The following TRPM3 variants were observed in gnomAD, a reference collection of about 807,000 sequenced individuals.
TRPM3 encodes transient receptor potential cation channel subfamily M member 3, also known as long transient receptor potential channel 3.
A neutral mutation model predicts 181.2 loss-of-function variants in TRPM3; 77 were observed. That is an observed-to-expected ratio of 0.42 (90% confidence interval 0.35 to 0.51). The LOEUF (loss-of-function observed/expected upper bound fraction) is 0.51, where lower values mean the gene tolerates loss of function less well. Ranked by LOEUF, TRPM3 falls within the 20% of genes least tolerant of loss-of-function variation. The pLI, the probability that TRPM3 is intolerant of heterozygous loss-of-function variation, is 0.01. For missense variants in TRPM3, 1,759 were observed against 2,196.7 expected, an observed-to-expected ratio of 0.80 and a Z score of 3.98; for synonymous variants, 745 against 796.4, an observed-to-expected ratio of 0.94 and a Z score of 1.09.
intron 3 of TRPM3, among the ~76,000 whole-genome samples, chr9:70,855,517 A>G (rs1242174247): frequency 6.6e-6 from 1 of 152,186 alleles, no homozygotes; most frequent in Non-Finnish European, 1.5e-5. Context: ...ACCTCCTTCT[A>G]CTGTAAGGCC....
At chr9:71,136,777 G>C (rs1490964245) in intron 1 of TRPM3, among the ~76,000 whole-genome samples, 2 of 152,172 alleles carry the variant, frequency 1.3e-5, no homozygotes, top group Admixed American at 1.3e-4. Flanking sequence ...AGAAGTAAGA[G>C]AAAGTCACTT....
intron 5 of TRPM3, among the ~76,000 whole-genome samples, chr9:70,833,720 G>A (rs549520291): frequency 3.3e-5 from 5 of 152,322 alleles, no homozygotes; most frequent in Admixed American, 3.3e-4. Context: ...ATTTTTATCA[G>A]TGGCTCAGCT....
chr9:70,601,107 T>C (rs17055371), intron 20 of TRPM3, among the ~76,000 whole-genome samples: 6,930 of 152,230 alleles, frequency 0.046, 308 homozygotes, highest in East Asian at 0.25. Flanking sequence ...TACTCAGTTG[T>C]CCTTTCTAGC....
chr9:71,113,475 G>A (rs1341373209), intron 1 of TRPM3, among the ~76,000 whole-genome samples: 1 of 152,154 alleles, frequency 6.6e-6, no homozygotes, highest in East Asian at 1.9e-4. Flanking sequence ...GATTAGGGCA[G>A]CAGTTAGACT....
chr9:70,877,744 T>C (rs889382023), intron 1 of TRPM3, among the ~76,000 whole-genome samples: 37 of 151,670 alleles, frequency 2.4e-4, no homozygotes, highest in Admixed American at 4.6e-4. Context: ...AACTAACTTC[T>C]TTCTGGTAAA....
chr9:70,917,400 G>T, intron 1 of TRPM3: 1 of 870,232 alleles, frequency 1.1e-6, no homozygotes. Flanking sequence ...GAGCTCAGTG[G>T]GGACACCACC....
intron 11 of TRPM3, among the ~76,000 whole-genome samples, chr9:70,637,189 A>G (rs1239399657): frequency 6.6e-6 from 1 of 152,168 alleles, no homozygotes; most frequent in Non-Finnish European, 1.5e-5. Context: ...AACGTGGGCA[A>G]GCAACTTAAC....
intron 1 of TRPM3, among the ~76,000 whole-genome samples, chr9:71,013,871 A>AGT (rs2134404812): frequency 6.6e-6 from 1 of 152,118 alleles, no homozygotes; most frequent in African/African-American, 2.4e-5. Flanking sequence ...TATATTTTTA[A>AGT]GAACTGGCTT....
intron 6 of TRPM3, among the ~76,000 whole-genome samples, chr9:70,812,947 A>G (rs2092281898): frequency 6.6e-6 from 1 of 152,176 alleles, no homozygotes; most frequent in Non-Finnish European, 1.5e-5. Context: ...ATAGAAAAAA[A>G]TGGTCTTAAG....
intron 3 of TRPM3, among the ~76,000 whole-genome samples, chr9:70,855,867 A>G (rs2095372647): frequency 7.7e-6 from 1 of 129,612 alleles, no homozygotes; most frequent in South Asian, 2.4e-4. Context: ...ATGATGGTTT[A>G]ATAGATAAAA....
chr9:70,586,793 C>T (rs1297445461), intron 22 of TRPM3, among the ~76,000 whole-genome samples: 1 of 152,186 alleles, frequency 6.6e-6, no homozygotes, highest in Non-Finnish European at 1.5e-5. Context: ...TTCGTTCATG[C>T]TGCTCTAAAC....
upstream of TRPM3, among the ~76,000 whole-genome samples, chr9:71,126,173 A>G (rs906651434): frequency 2.6e-5 from 4 of 152,196 alleles, no homozygotes; most frequent in Non-Finnish European, 5.9e-5. Context: ...TCAAAACCAC[A>G]ATGAGATACC....
intron 1 of TRPM3, among the ~76,000 whole-genome samples, chr9:71,339,947 T>G (rs1410007386): frequency 6.6e-6 from 1 of 152,134 alleles, no homozygotes; most frequent in Non-Finnish European, 1.5e-5. Context: ...CTATCTGTAT[T>G]ATAAATAAAT....
At chr9:71,090,561 A>C (rs1213673336) in intron 1 of TRPM3, among the ~76,000 whole-genome samples, 1 of 152,136 alleles carries the variant, frequency 6.6e-6, no homozygotes, top group African/African-American at 2.4e-5. Flanking sequence ...AGACTGTTGC[A>C]GTGCTCTTTC....
intron 1 of TRPM3, among the ~76,000 whole-genome samples, chr9:71,174,635 C>T (rs1376982534): frequency 1.3e-5 from 2 of 151,876 alleles, no homozygotes; most frequent in Non-Finnish European, 2.9e-5. Context: ...AGTGTTGAAA[C>T]TGGGGAATGC....
intron 1 of TRPM3, among the ~76,000 whole-genome samples, chr9:71,031,975 T>TATATATATAATATA (rs1554806594): frequency 2.5e-4 from 2 of 7,940 alleles, no homozygotes; most frequent in Admixed American, 2.9e-3. Flanking sequence ...ATATATATTA[T>TATATATATAATATA]ATATATATAT....
intron 1 of TRPM3, among the ~76,000 whole-genome samples, chr9:70,951,161 G>C (rs978823253): frequency 6.6e-6 from 1 of 151,978 alleles, no homozygotes; most frequent in African/African-American, 2.4e-5. Flanking sequence ...CTTAAAATAT[G>C]AATTCATATT....
At chr9:70,683,886 G>A (rs2066116710) in intron 8 of TRPM3, among the ~76,000 whole-genome samples, 1 of 152,198 alleles carries the variant, frequency 6.6e-6, no homozygotes, top group Admixed American at 6.5e-5. Flanking sequence ...AGGGGACAGA[G>A]GTGAAATTTT....
At chr9:70,982,782 C>A (rs1451550146) in intron 1 of TRPM3, among the ~76,000 whole-genome samples, 1 of 152,156 alleles carries the variant, frequency 6.6e-6, no homozygotes, top group African/African-American at 2.4e-5. Context: ...CTCACTGCAA[C>A]CTTCACTTTC....
Sources: gnomAD v4.1 joint callset for allele counts (sites outside exome capture counted in the v4.1 genomes callset) on GRCh38, gnomAD v4.1.1 for gene constraint, MANE v1.5 for transcripts, NCBI Gene and HGNC (gene_info 2026-07-23, HGNC 2026-07-21) for gene names.